Variants in ASPH observed in about 807,000 individuals in gnomAD.
The protein encoded by ASPH is aspartate beta-hydroxylase, also known as aspartyl/asparaginyl beta-hydroxylase.
ASPH carries 100 observed loss-of-function variants against 118.4 expected under a neutral mutation model. The observed-to-expected ratio is 0.84, with a 90% CI of 0.72 to 1.00. The LOEUF is 1.00. Among genes scored for constraint, ASPH ranks in the 50% least tolerant of loss-of-function variants. The pLI, the probability that ASPH is intolerant of heterozygous loss-of-function variation, is 0.00. For synonymous variants in ASPH, 315 were observed against 325.6 expected (o/e 0.97, Z 0.35); for missense variants, 920 against 919.5 (o/e 1.00, Z -0.01).
chr8:61,653,689 T>A, intron 3 of ASPH, 29 bp from the exon 4 acceptor site: 1 of 1,603,068 alleles, frequency 6.2e-7, no homozygotes, highest in Non-Finnish European at 8.5e-7. Context: ...AAAGTTAACT[T>A]GAGTTTTTGT....
chr8:61,633,463 C>A, intron 13 of ASPH: 1 of 364,872 alleles, frequency 2.7e-6, no homozygotes, highest in Admixed American at 4.7e-5. Context: ...CATTAATGCT[C>A]CTCAAATTCT....
At chr8:61,714,162 G>T in intron 1 of ASPH, 107 bp downstream of exon 1, 1 of 1,270,196 alleles carries the variant, frequency 7.9e-7, no homozygotes, top group South Asian at 2.5e-5. Flanking sequence ...GGGGATGGAG[G>T]CGGCGCGCGG....
At chr8:61,712,879 T>C (rs1038282173) in intron 1 of ASPH, among the ~76,000 whole-genome samples, 3 of 152,216 alleles carry the variant, frequency 2.0e-5, no homozygotes, top group Non-Finnish European at 4.4e-5. Context: ...CAGAAACCTT[T>C]TGAAAACAAC....
intron 1 of ASPH, among the ~76,000 whole-genome samples, chr8:61,709,341 A>G (rs72659056): frequency 2.0e-5 from 3 of 151,980 alleles, no homozygotes; most frequent in Non-Finnish European, 4.4e-5. Flanking sequence ...AAGTATAATT[A>G]AAAAAAAGTT....
chr8:61,642,045 T>G (rs1034315921), intron 10 of ASPH, among the ~76,000 whole-genome samples: 4 of 152,184 alleles, frequency 2.6e-5, no homozygotes, highest in Non-Finnish European at 5.9e-5. Context: ...AAAATCTACT[T>G]CATGGAGTTC....
chr8:61,543,764 T>G (rs1401530939), intron 21 of ASPH, among the ~76,000 whole-genome samples: 1 of 152,242 alleles, frequency 6.6e-6, no homozygotes, highest in African/African-American at 2.4e-5. Context: ...GTTCGGTCCC[T>G]CTCATAAAAT....
chr8:61,600,892 A>G (rs1843771774), intron 14 of ASPH, among the ~76,000 whole-genome samples: 1 of 151,432 alleles, frequency 6.6e-6, no homozygotes, highest in South Asian at 2.1e-4. Flanking sequence ...AAATGAGTAG[A>G]AAATGGCATA....
chr8:61,702,438 C>A (rs898809671), intron 1 of ASPH, among the ~76,000 whole-genome samples: 14 of 152,012 alleles, frequency 9.2e-5, no homozygotes, highest in African/African-American at 3.1e-4. Flanking sequence ...GTGCCCGCCA[C>A]CACACCCGGC....
chr8:61,663,167 T>C (rs1588880782), intron 3 of ASPH: 13 of 985,402 alleles, frequency 1.3e-5, no homozygotes, highest in Non-Finnish European at 1.6e-5. Context: ...CTGGGGGACA[T>C]GTTCTGCTTC....
intron 5 of ASPH, 82 bp from the exon 6 acceptor site, chr8:61,646,960 C>T: frequency 3.8e-6 from 6 of 1,579,232 alleles, no homozygotes; most frequent in Non-Finnish European, 5.2e-6. Context: ...CACACCTGCT[C>T]CTGCTGCTGG....
At chr8:61,519,467 A>AT (rs958553217) in intron 22 of ASPH, among the ~76,000 whole-genome samples, 3 of 152,194 alleles carry the variant, frequency 2.0e-5, no homozygotes, top group African/African-American at 7.2e-5. Flanking sequence ...AACTGTACTT[A>AT]TTTTTTCCCC....
At chr8:61,679,151 C>A (rs1826718347) in intron 3 of ASPH, among the ~76,000 whole-genome samples, 1 of 152,152 alleles carries the variant, frequency 6.6e-6, no homozygotes, top group African/African-American at 2.4e-5. Context: ...TTTGTTTCAT[C>A]TGTACTGAAG....
At chr8:61,681,105 T>C in intron 2 of ASPH, 69 bp from the exon 3 acceptor site, 1 of 1,270,268 alleles carries the variant, frequency 7.9e-7, no homozygotes, top group African/African-American at 1.5e-5. Flanking sequence ...TATTATAACT[T>C]AGTGAAGTCA....
rs956985946 is a variant in ASPH at position 61,537,159 on chromosome 8, G to A, written c.1764+10912C>T. Reference sequence around the variant, plus strand: ...CTCAGACAGGCAGGGAAGCCAGTCCGCCCTATCAGTCAGAGAAGGTAAAGG... The same window carrying A: ...CTCAGACAGGCAGGGAAGCCAGTCCACCCTATCAGTCAGAGAAGGTAAAGG... On this transcript the variant is annotated intron_variant, in intron 21 of 24. Coordinates refer to ENST00000379454, the MANE Select transcript of ASPH (RefSeq NM_004318.4). Among the ~76,000 whole-genome samples the A allele has an allele frequency of 3.3e-5, 5 of 152,184 alleles. No individual in the cohort carries two copies. The East Asian group carries it at 7.7e-4, about 23-fold the overall frequency.
At chr8:61,551,872 C>T (rs1396353911) in intron 20 of ASPH, among the ~76,000 whole-genome samples, 3 of 152,190 alleles carry the variant, frequency 2.0e-5, no homozygotes, top group Non-Finnish European at 2.9e-5. Context: ...CCATCTTTCT[C>T]TTTAATTCTA....
chr8:61,679,944 A>ATT lies in ASPH; in HGVS notation c.322+1023_322+1024insAA, dbSNP rs58982709. 5.8e-3 allele frequency among the ~76,000 whole-genome samples: 769 copies of ATT among 133,604 alleles called. 10 individuals are homozygous for ATT. The highest frequency in any genetic ancestry group is 0.019 in the African/African-American group (706 of 36,326). 87.6% of individuals were successfully genotyped at this position (133,604 alleles called of 152,430 possible). A position where few individuals can be genotyped will look rare whatever the true frequency, so the allele number is the denominator to read the frequency against. ...CACTAATTCCCAATGGGCAATAATA[A>ATT]AAAAAAAAAAAAAACAAAAAACACC... On this transcript the variant is annotated intron_variant, in intron 3 of 24. Coordinates refer to ENST00000379454, the MANE Select transcript of ASPH (RefSeq NM_004318.4).
At chr8:61,539,699 G>GGGGGGTGTGTGTGTGTGTGT (rs1554618405) in intron 21 of ASPH, among the ~76,000 whole-genome samples, 35 of 124,306 alleles carry the variant, frequency 2.8e-4, no homozygotes, top group African/African-American at 7.2e-4. Flanking sequence ...ACACTTCTGG[G>GGGGGGTGTGTGTGTGTGTGT]GTGTGTGTGT....
At chr8:61,637,013 C>T (rs1266701769) in intron 12 of ASPH, among the ~76,000 whole-genome samples, 4 of 152,090 alleles carry the variant, frequency 2.6e-5, no homozygotes, top group Non-Finnish European at 5.9e-5. Flanking sequence ...ATACCTATCT[C>T]CCCCCATTTC....
intron 22 of ASPH, among the ~76,000 whole-genome samples, chr8:61,520,968 C>G (rs16927448): frequency 0.11 from 16,976 of 152,182 alleles, 977 homozygotes; most frequent in Non-Finnish European, 0.13. Context: ...GTCTGTAAAC[C>G]CAGATTCTCT....
Sources: allele counts gnomAD v4.1 joint callset (sites outside exome capture counted in the v4.1 genomes callset), GRCh38; gene constraint gnomAD v4.1.1; transcripts MANE v1.5; gene names NCBI Gene and HGNC (gene_info 2026-07-23, HGNC 2026-07-21).